Variants in LACC1 observed in about 807,000 individuals in gnomAD.
The protein encoded by LACC1 is purine nucleoside phosphorylase LACC1.
A neutral mutation model predicts 34.8 loss-of-function variants in LACC1; 25 were observed. That is an observed-to-expected ratio of 0.72 (90% CI 0.52 to 1.00). LACC1 has a LOEUF of 1.00. LACC1 is among the 50% of genes least tolerant of loss of function. LACC1 has a pLI of 0.00. For missense variants in LACC1, 426 were observed against 511.2 expected (o/e 0.83, Z 1.61); for synonymous variants, 162 against 168.0 (o/e 0.96, Z 0.28).
intron 3 of LACC1, among the ~76,000 whole-genome samples, chr13:43,882,656 C>T (rs552050229): frequency 1.2e-4 from 18 of 148,906 alleles, no homozygotes; most frequent in African/African-American, 3.7e-4. Flanking sequence ...TTAAGTGAAA[C>T]GACATAATAA....
chr13:43,881,406 G>A lies in LACC1; in HGVS notation c.421G>A (p.Gly141Arg). The A allele has an allele frequency of 3.1e-6, 5 of 1,614,080 alleles. No homozygotes were observed. Among genetic ancestry groups the A allele is most frequent in the Non-Finnish European group, 4.2e-6 (5 of 1,179,990 alleles). ...AGATTTGCAAGTGACTTTTAGGGGA[G>A]GGCTTTTTAAACAGTCCATTGAAAT... ...FEDLQVTFRG[G>R]LFKQSIEINV... The change falls in exon 2 of 7, where the codon GGG (glycine) becomes AGG (arginine). Residue 141 changes from glycine (G) to arginine (R), a missense_variant. Physicochemically the swap from Gly to Arg is moderately radical, Grantham distance 125. Coordinates refer to ENST00000325686, the MANE Select transcript of LACC1 (RefSeq NM_153218.4).
chr13:43,886,215 A>G (rs1391044080), intron 4 of LACC1, among the ~76,000 whole-genome samples: 1 of 152,204 alleles, frequency 6.6e-6, no homozygotes, highest in African/African-American at 2.4e-5. Context: ...CAAAGAACTT[A>G]AAATTAGAAC....
At position 43,892,092 on chromosome 13, in the gene LACC1, T is replaced by C. The variant is rs1955589214; in HGVS notation, c.*645T>C. On this transcript the variant is annotated 3_prime_UTR_variant, in exon 7 of 7. Transcript: ENST00000325686. ...GAAGGGTGTGGGCATGAGTTAGGGC[T>C]GGAAAAACAGGTTGGAAACAGATAA... 6.6e-6 allele frequency: 1 copy of C among 150,962 alleles called. No individual in the cohort carries two copies. Among genetic ancestry groups the C allele is most frequent in the African/African-American group, 2.4e-5 (1 of 41,046 alleles). 9.4% of individuals were successfully genotyped at this position (150,962 alleles called of 1,614,324 possible).
At chr13:43,890,071 G>A (rs1955505313) in intron 5 of LACC1, 43 bp from the exon 6 acceptor site, 1 of 1,544,330 alleles carries the variant, frequency 6.5e-7, no homozygotes. Context: ...TGGCTATTGG[G>A]AAAATAAACT....
chr13:43,882,564 G>GATATATGTATATATAT, intron 3 of LACC1, among the ~76,000 whole-genome samples: 1 of 139,116 alleles, frequency 7.2e-6, no homozygotes, highest in South Asian at 2.5e-4. Context: ...CACACGTGCA[G>GATATATGTATATATAT]ATATATATAT....
Position 43,888,755 on chromosome 13 carries a change from A to G in LACC1, c.908-2A>G. Reference sequence around the variant, plus strand: ...TTATCTCTTTTTATTCCTATTTACCAGGTTGGAAAGGTACTTTGTTGGGTG... The same window carrying G: ...TTATCTCTTTTTATTCCTATTTACCGGGTTGGAAAGGTACTTTGTTGGGTG... On this transcript the variant is annotated splice_acceptor_variant, in intron 4 of 6. Coordinates refer to ENST00000325686, the MANE Select transcript of LACC1 (RefSeq NM_153218.4). LOFTEE classifies it high-confidence loss of function. The G allele has an allele frequency of 6.2e-7, 1 of 1,610,856 alleles. No homozygotes were observed. The highest frequency in any genetic ancestry group is 8.5e-7 in the Non-Finnish European group (1 of 1,177,296).
rs766048228 is a variant in LACC1 at position 43,890,308 on chromosome 13, CCT to C, written c.*1+39_*1+40del. The C allele has an allele frequency of 1.8e-5, 28 of 1,565,744 alleles. No individual in the cohort carries two copies. In the East Asian group the frequency reaches 2.1e-4, roughly 11 times the overall value. On this transcript the variant is annotated intron_variant, in intron 6 of 6. Coordinates refer to ENST00000325686, the MANE Select transcript of LACC1 (RefSeq NM_153218.4). ...GGTTTTCTCTCCTCTCTCCGTTTTT[CCT>C]CTCTTTCATCCCTCTCTCCACTTCT...
intron 3 of LACC1, 79 bp from the exon 4 acceptor site, chr13:43,883,692 C>A: frequency 9.3e-7 from 1 of 1,072,452 alleles, no homozygotes; most frequent in Non-Finnish European, 1.3e-6. Context: ...TTTTATACTA[C>A]AATGAGTACC....
chr13:43,893,009 G>A lies in LACC1; in HGVS notation c.*1562G>A, dbSNP rs1955620021. ...AAAAAGCTGGGGACTACATCTTCAA[G>A]GAAGGGACTTTTTTTGGATGAGCAG... On this transcript the variant is annotated 3_prime_UTR_variant, in exon 7 of 7. Transcript: ENST00000325686. The A allele has an allele frequency of 6.6e-6, 1 of 152,200 alleles. No homozygotes were observed. The highest frequency in any genetic ancestry group is 2.1e-4 in the South Asian group (1 of 4,828). The allele number at this position is 152,200 out of a possible 1,614,324, so 9.4% of individuals were successfully genotyped here.
chr13:43,880,944 A>C lies in LACC1; in HGVS notation c.-34-8A>C. 6.8e-7 allele frequency: 1 copy of C among 1,479,338 alleles called. No individual in the cohort carries two copies. Among genetic ancestry groups the C allele is most frequent in the African/African-American group, 1.4e-5 (1 of 71,012 alleles). 91.6% of individuals were successfully genotyped at this position (1,479,338 alleles called of 1,614,324 possible). On this transcript the variant is annotated splice_polypyrimidine_tract_variant and splice_region_variant and intron_variant, in intron 1 of 6. Coordinates refer to ENST00000325686, the MANE Select transcript of LACC1 (RefSeq NM_153218.4). ...ATCTTATATTCTTACACTAATTTTT[A>C]TTTGCAGGTGATTTATTTGGCATAA...
chr13:43,887,059 ATCACTG>A (rs1955367757), intron 4 of LACC1, among the ~76,000 whole-genome samples: 1 of 152,130 alleles, frequency 6.6e-6, no homozygotes, highest in Non-Finnish European at 1.5e-5. Flanking sequence ...CCCTTTGAAC[ATCACTG>A]TCTGCATCTT....
At position 43,888,765 on chromosome 13, in the gene LACC1, G is replaced by A. The variant is rs945748051; in HGVS notation, c.916G>A (p.Gly306Ser). 1 of 1,613,270 alleles carries A rather than the reference G, an allele frequency of 6.2e-7. No homozygotes were observed. Among genetic ancestry groups the A allele is most frequent in the Admixed American group, 1.7e-5 (1 of 59,960 alleles). The change falls in exon 5 of 7, where the codon GGT (glycine) becomes AGT (serine). Residue 306 changes from glycine to serine, a missense_variant. By Grantham distance (56) the Gly-to-Ser change is moderately conservative. Transcript: ENST00000325686. ...ACGVAHAGWKGTLLGVAMATV... is the reference protein window; with the variant it reads ...ACGVAHAGWKSTLLGVAMATV... ...TTATTCCTATTTACCAGGTTGGAAA[G>A]GTACTTTGTTGGGTGTTGCTATGGC...
At chr13:43,889,421 G>A (rs9525867) in intron 5 of LACC1, among the ~76,000 whole-genome samples, 78,711 of 151,862 alleles carry the variant, frequency 0.52, 20,844 homozygotes, top group East Asian at 0.67. Context: ...ATAAATACAC[G>A]GTTTTTTACT....
At chr13:43,884,308 G>C (rs1428331132) in intron 4 of LACC1, among the ~76,000 whole-genome samples, 1 of 152,082 alleles carries the variant, frequency 6.6e-6, no homozygotes, top group East Asian at 1.9e-4. Context: ...TCTAGTTACT[G>C]TAATAACCAA....
In LACC1 at chr13:43,892,865, A is replaced by G. The variant is rs971012372; in HGVS notation, c.*1418A>G. The G allele has an allele frequency of 6.6e-6, 1 of 152,264 alleles. No homozygotes were observed. The highest frequency in any genetic ancestry group is 1.5e-5 in the Non-Finnish European group (1 of 67,968). 9.4% of individuals were successfully genotyped at this position (152,264 alleles called of 1,614,324 possible). ...ATAAAGTGATAATTTAAAAGAAATC[A>G]ATGGATTAAACATATTGAAACTGTT... On this transcript the variant is annotated 3_prime_UTR_variant, in exon 7 of 7. Transcript: ENST00000325686.
chr13:43,882,564 G>GATAT (rs56292789), intron 3 of LACC1, among the ~76,000 whole-genome samples: 21,545 of 138,952 alleles, frequency 0.16, 1,708 homozygotes, highest in Admixed American at 0.19. Context: ...CACACGTGCA[G>GATAT]ATATATATAT....
In LACC1 at chr13:43,881,201, C is replaced by G. The variant is rs753357392; in HGVS notation, c.216C>G (p.Leu72=). ...AAACAAGCAATGGATTATCAGCTCT[C>G]TTGGAAGAATTTGAGATTGTTAGCT... The part of the protein sequence containing the change: ...EIETSNGLSA[L]LEEFEIVSCP... Residue 72 remains leucine (L), a synonymous_variant, in exon 2 of 7, where the codon CTC becomes CTG. Coordinates refer to ENST00000325686, the MANE Select transcript of LACC1 (RefSeq NM_153218.4). 2.5e-6 allele frequency: 4 copies of G among 1,613,970 alleles called. No homozygotes were observed. The highest frequency in any genetic ancestry group is 3.4e-6 in the Non-Finnish European group (4 of 1,180,018).
At chr13:43,889,835 G>A (rs968580812) in intron 5 of LACC1, among the ~76,000 whole-genome samples, 10 of 152,132 alleles carry the variant, frequency 6.6e-5, no homozygotes, top group African/African-American at 2.4e-4. Context: ...TCTTAAATAA[G>A]CACTTGATTT....
intron 3 of LACC1, among the ~76,000 whole-genome samples, chr13:43,883,345 T>C (rs1955163860): frequency 6.6e-6 from 1 of 152,200 alleles, no homozygotes; most frequent in African/African-American, 2.4e-5. Context: ...AGGGTCATAG[T>C]TGATGAGATA....
Sources: gnomAD v4.1 joint callset for allele counts (sites outside exome capture counted in the v4.1 genomes callset) on GRCh38, gnomAD v4.1.1 for gene constraint, MANE v1.5 for transcripts, NCBI Gene and HGNC (gene_info 2026-07-23, HGNC 2026-07-21) for gene names.